The following PRKCH variants were observed in gnomAD, a reference collection of about 807,000 sequenced individuals.
PRKCH encodes protein kinase C eta.
In PRKCH, 28 loss-of-function variants were observed where a neutral mutation model predicts 82.5. That is an observed-to-expected ratio of 0.34 (90% CI 0.25 to 0.47). PRKCH has a LOEUF of 0.47. Among genes scored for constraint, PRKCH ranks in the 20% least tolerant of loss-of-function variants. PRKCH has a pLI of 1.00. For synonymous variants in PRKCH, 322 were observed against 327.4 expected (o/e 0.98, Z 0.18); for missense variants, 705 against 881.8 (o/e 0.80, Z 2.54).
intron 9 of PRKCH, among the ~76,000 whole-genome samples, chr14:61,462,347 G>A (rs1885063560): frequency 6.6e-6 from 1 of 152,194 alleles, no homozygotes. Context: ...CCAAGATCGT[G>A]CCATTGCACT....
At chr14:61,449,664 A>C (rs1884392469) in intron 5 of PRKCH, among the ~76,000 whole-genome samples, 1 of 152,188 alleles carries the variant, frequency 6.6e-6, no homozygotes, top group Non-Finnish European at 1.5e-5. Context: ...CATCTTCTCT[A>C]TGAGCTGCGG....
At chr14:61,472,069 T>C (rs1885529833) in intron 9 of PRKCH, among the ~76,000 whole-genome samples, 2 of 152,180 alleles carry the variant, frequency 1.3e-5, no homozygotes, top group South Asian at 2.1e-4. Flanking sequence ...TTGTTAGGGA[T>C]GGAGCCCCTG....
intron 9 of PRKCH, among the ~76,000 whole-genome samples, chr14:61,474,210 G>C (rs1337485041): frequency 6.6e-6 from 1 of 152,152 alleles, no homozygotes; most frequent in African/African-American, 2.4e-5. Context: ...GGTTCTTGGT[G>C]TCACCATCTT....
intron 1 of PRKCH, among the ~76,000 whole-genome samples, chr14:61,322,993 GA>G (rs11338821): frequency 0.047 from 7,179 of 152,276 alleles, 286 homozygotes; most frequent in East Asian, 0.15. Flanking sequence ...CACTGGCAGG[GA>G]AATGAGCGCC....
At chr14:61,350,005 T>C (rs2046049628) in intron 1 of PRKCH, among the ~76,000 whole-genome samples, 2 of 152,172 alleles carry the variant, frequency 1.3e-5, no homozygotes, top group Admixed American at 6.5e-5. Flanking sequence ...GATATATAGG[T>C]GAATGAGGCA....
chr14:61,531,164 C>A (rs1338011845), intron 12 of PRKCH, among the ~76,000 whole-genome samples: 1 of 152,176 alleles, frequency 6.6e-6, no homozygotes. Flanking sequence ...AAAGTCTTTT[C>A]TGTGTGTGCA....
intron 11 of PRKCH, 110 bp from the exon 12 acceptor site, chr14:61,530,295 CTT>C (rs2043029321): frequency 1.6e-6 from 2 of 1,226,026 alleles, no homozygotes. Context: ...GCACAGGAGA[CTT>C]TTTTAAAAAA....
chr14:61,387,312 G>A (rs192230513), intron 1 of PRKCH, among the ~76,000 whole-genome samples: 2 of 152,364 alleles, frequency 1.3e-5, no homozygotes, highest in East Asian at 3.9e-4. Context: ...GATCTGCTAG[G>A]CCTGCTCACA....
intron 1 of PRKCH, among the ~76,000 whole-genome samples, chr14:61,206,159 A>G (rs1360903885): frequency 6.6e-6 from 1 of 152,228 alleles, no homozygotes; most frequent in Non-Finnish European, 1.5e-5. Flanking sequence ...GTTTATTTCT[A>G]TAGCTGCTGT....
rs1177541411 is a variant in PRKCH, at chr14:61,253,965, TCCCTCCCTCCC to T, written c.-19+66298_-19+66308del. On this transcript the variant is annotated intron_variant, in intron 1 of 3. Transcript: ENST00000555185. ...TTTGTGTACATGTTTCCTTCCTTCT[TCCCTCCCTCCC>T]TCCTCCCTCCCTCCCTCCCTCCCTC... Among the ~76,000 whole-genome samples the T allele has an allele frequency of 3.0e-3, 412 of 138,516 alleles. 7 individuals carry two copies. The highest frequency in any genetic ancestry group is 4.9e-3 in the Non-Finnish European group (315 of 64,720). 90.9% of individuals were successfully genotyped at this position (138,516 alleles called of 152,430 possible).
chr14:61,449,856 GTCTCTCTCTCTCTCTCTCTCTCTC>G (rs149977373), intron 5 of PRKCH, among the ~76,000 whole-genome samples: 6 of 142,304 alleles, frequency 4.2e-5, no homozygotes, highest in East Asian at 4.1e-4. Context: ...CAGGGAAGAT[GTCTCTCTCTCTCTCTCTCTCTCTC>G]TCTCTCTCTC....
At chr14:61,462,089 TAAAG>T (rs929721473) in intron 9 of PRKCH, among the ~76,000 whole-genome samples, 1 of 152,110 alleles carries the variant, frequency 6.6e-6, no homozygotes, top group Admixed American at 6.5e-5. Flanking sequence ...GGCTAAATGA[TAAAG>T]AAGTAGTGGG....
chr14:61,479,223 G>A (rs925530960), intron 9 of PRKCH, among the ~76,000 whole-genome samples: 6 of 152,052 alleles, frequency 3.9e-5, no homozygotes, highest in Non-Finnish European at 7.4e-5. Context: ...CATTTCCCAC[G>A]TTTACACTGC....
intron 1 of PRKCH, among the ~76,000 whole-genome samples, chr14:61,261,215 A>G (rs1333091760): frequency 1.3e-5 from 2 of 152,252 alleles, no homozygotes; most frequent in South Asian, 4.1e-4. Flanking sequence ...GCACATGCAC[A>G]TGCAAAAAGC....
intron 7 of PRKCH, among the ~76,000 whole-genome samples, chr14:61,455,287 G>A (rs936465005): frequency 8.6e-5 from 13 of 150,344 alleles, no homozygotes; most frequent in African/African-American, 2.9e-4. Flanking sequence ...TCATCCTCCC[G>A]TCTCGGCCTC....
At chr14:61,261,075 G>A (rs765546264) in intron 1 of PRKCH, among the ~76,000 whole-genome samples, 9 of 151,994 alleles carry the variant, frequency 5.9e-5, no homozygotes, top group Admixed American at 3.9e-4. Flanking sequence ...TAGAGTAATC[G>A]GTTCCAAAAA....
chr14:61,517,619 CTG>C (rs1434238383), intron 10 of PRKCH, among the ~76,000 whole-genome samples: 4 of 152,230 alleles, frequency 2.6e-5, no homozygotes, highest in African/African-American at 7.2e-5. Context: ...TTACCTAGCA[CTG>C]TGTGCCCTAG....
intron 10 of PRKCH, chr14:61,525,018 CAT>C (rs1449126111): frequency 2.6e-5 from 4 of 152,220 alleles, no homozygotes; most frequent in Non-Finnish European, 5.9e-5. Flanking sequence ...CATTGGGGTC[CAT>C]CTGAAATGCT....
chr14:61,442,273 G>A (rs1290637236), intron 2 of PRKCH, among the ~76,000 whole-genome samples: 5 of 152,122 alleles, frequency 3.3e-5, no homozygotes, highest in Non-Finnish European at 7.3e-5. Context: ...TGTTTTAAAA[G>A]CGTGAGGTTA....
Sources: gnomAD v4.1 joint callset for allele counts (sites outside exome capture counted in the v4.1 genomes callset) on GRCh38, gnomAD v4.1.1 for gene constraint, MANE v1.5 for transcripts, NCBI Gene and HGNC (gene_info 2026-07-23, HGNC 2026-07-21) for gene names.